The following DPYD variants were observed in gnomAD, a reference collection of about 807,000 sequenced individuals.
DPYD encodes dihydropyrimidine dehydrogenase, also known as dihydropyrimidine dehydrogenase [NADP(+)].
Under a neutral mutation model 116.2 loss-of-function variants are expected in DPYD, and 109 were observed. The observed-to-expected ratio is 0.94, with a 90% confidence interval of 0.80 to 1.10. The LOEUF is 1.10. DPYD is among the 50% of genes least tolerant of loss of function. The pLI is 0.00. For missense variants in DPYD, 1,302 were observed against 1,254.5 expected (o/e 1.04, Z -0.57); for synonymous variants, 440 against 432.0 (o/e 1.02, Z -0.23).
At chr1:97,666,054 A>G (rs1040638062) in intron 8 of DPYD, among the ~76,000 whole-genome samples, 2 of 152,208 alleles carry the variant, frequency 1.3e-5, no homozygotes, top group Non-Finnish European at 1.5e-5. Context: ...TTAAGTTATC[A>G]AAAATTGATG....
intron 3 of DPYD, among the ~76,000 whole-genome samples, chr1:97,826,033 T>TGTGC (rs57990998): frequency 1.8e-4 from 1 of 5,592 alleles, no homozygotes; most frequent in Non-Finnish European, 3.1e-4. Flanking sequence ...AATGTGTGTC[T>TGTGC]GTGTGTGTGT....
rs56940277 is a variant in DPYD, at chr1:97,599,860, CAAAAAAAAAAAAAAAAAAAAAAA to C, written c.851-4717_851-4695del. Among the ~76,000 whole-genome samples, 28 of 36,508 alleles carry C rather than the reference CAAAAAAAAAAAAAAAAAAAAAAA, an allele frequency of 7.7e-4. No individual in the cohort carries two copies. In the East Asian group the frequency reaches 0.015, roughly 19 times the overall value. 24.0% of individuals were successfully genotyped at this position (36,508 alleles called of 152,430 possible). Reference sequence around the variant, plus strand: ...CCAACATGACAAAAACCCATCTCCACAAAAAAAAAAAAAAAAAAAAAAAAAAAAAAAAAAAATTAGCCGGGCGT... The same window carrying C: ...CCAACATGACAAAAACCCATCTCCACAAAAAAAAAAAAATTAGCCGGGCGT... On this transcript the variant is annotated intron_variant, in intron 8 of 22. Transcript: ENST00000370192.
intron 19 of DPYD, among the ~76,000 whole-genome samples, chr1:97,195,441 A>C (rs185661496): frequency 6.7e-6 from 1 of 149,142 alleles, no homozygotes; most frequent in East Asian, 2.0e-4. Context: ...ATGCTACCTG[A>C]TACCTCATTG....
At chr1:97,096,474 GA>G (rs557107499) in intron 21 of DPYD, among the ~76,000 whole-genome samples, 2 of 152,280 alleles carry the variant, frequency 1.3e-5, no homozygotes, top group East Asian at 3.9e-4. Flanking sequence ...AAAGCTGGGA[GA>G]ATTCCTATTG....
intron 8 of DPYD, among the ~76,000 whole-genome samples, chr1:97,630,475 C>T (rs189311737): frequency 1.2e-3 from 176 of 152,166 alleles, no homozygotes; most frequent in African/African-American, 3.9e-3. Flanking sequence ...TTCCTCTGAG[C>T]ACTCTGCCAG....
chr1:97,420,480 T>C (rs928066829), intron 14 of DPYD, among the ~76,000 whole-genome samples: 9 of 152,074 alleles, frequency 5.9e-5, no homozygotes, highest in Non-Finnish European at 1.3e-4. Flanking sequence ...TTCCCTTCCA[T>C]CAAGTTTCTG....
intron 13 of DPYD, among the ~76,000 whole-genome samples, chr1:97,474,614 A>C (rs11811087): frequency 0.18 from 26,190 of 148,316 alleles, 2,379 homozygotes; most frequent in African/African-American, 0.21. Context: ...TTTTTCTGTC[A>C]CAGTTTAAGA....
At chr1:97,131,973 T>G (rs1394956411) in intron 20 of DPYD, among the ~76,000 whole-genome samples, 1 of 152,202 alleles carries the variant, frequency 6.6e-6, no homozygotes, top group East Asian at 1.9e-4. Flanking sequence ...GCCTACAATT[T>G]AAAATATGTC....
intron 16 of DPYD, among the ~76,000 whole-genome samples, chr1:97,351,205 AT>A (rs1670127312): frequency 6.6e-6 from 1 of 152,150 alleles, no homozygotes; most frequent in Non-Finnish European, 1.5e-5. Context: ...GTAATTAAAA[AT>A]TAGAAGTTTG....
intron 8 of DPYD, among the ~76,000 whole-genome samples, chr1:97,655,394 C>T (rs748341648): frequency 6.6e-6 from 1 of 152,150 alleles, no homozygotes; most frequent in Non-Finnish European, 1.5e-5. Context: ...TGTTAAGCCT[C>T]AAATAGAGCG....
chr1:97,266,405 A>G (rs78970785), intron 18 of DPYD, among the ~76,000 whole-genome samples: 17,249 of 152,208 alleles, frequency 0.11, 1,524 homozygotes, highest in East Asian at 0.29. Flanking sequence ...TCTAATATCA[A>G]TTAAACAAAT....
At chr1:97,283,554 C>T (rs1665465568) in intron 18 of DPYD, among the ~76,000 whole-genome samples, 1 of 151,954 alleles carries the variant, frequency 6.6e-6, no homozygotes, top group Non-Finnish European at 1.5e-5. Context: ...GAAATAACTG[C>T]CATATTCATT....
intron 3 of DPYD, among the ~76,000 whole-genome samples, chr1:97,771,386 T>G (rs528729378): frequency 6.6e-6 from 1 of 152,236 alleles, no homozygotes; most frequent in Non-Finnish European, 1.5e-5. Context: ...AAAATACTTC[T>G]GCCTTTTTAA....
intron 16 of DPYD, among the ~76,000 whole-genome samples, chr1:97,342,798 A>G (rs575954980): frequency 6.6e-6 from 1 of 152,098 alleles, no homozygotes; most frequent in Non-Finnish European, 1.5e-5. Flanking sequence ...AGGATTTTGA[A>G]TTGTTTTTAT....
At chr1:97,333,837 T>G (rs1478519154) in intron 16 of DPYD, among the ~76,000 whole-genome samples, 1 of 152,070 alleles carries the variant, frequency 6.6e-6, no homozygotes. Flanking sequence ...TAAGTACAGT[T>G]TTTGAAAGTT....
intron 8 of DPYD, among the ~76,000 whole-genome samples, chr1:97,655,985 AT>A (rs1159687425): frequency 6.6e-6 from 1 of 152,192 alleles, no homozygotes; most frequent in African/African-American, 2.4e-5. Context: ...ATCATTATTT[AT>A]TACGTAGAAA....
intron 2 of DPYD, among the ~76,000 whole-genome samples, chr1:97,874,484 G>A (rs1012491070): frequency 6.6e-6 from 1 of 151,816 alleles, no homozygotes; most frequent in Non-Finnish European, 1.5e-5. Context: ...TAAGCAAATT[G>A]ATCTCTCTAT....
At chr1:97,195,381 C>T (rs1009555661) in intron 19 of DPYD, among the ~76,000 whole-genome samples, 4 of 150,992 alleles carry the variant, frequency 2.6e-5, no homozygotes, top group African/African-American at 9.7e-5. Context: ...ACTCTTAAAG[C>T]CTTTTGGGTC....
intron 13 of DPYD, among the ~76,000 whole-genome samples, chr1:97,511,262 A>C (rs570229240): frequency 4.6e-5 from 7 of 152,162 alleles, no homozygotes; most frequent in African/African-American, 7.2e-5. Context: ...GTGAGGATTA[A>C]ATGAAATAAT....
Sources: gnomAD v4.1 joint callset for allele counts (sites outside exome capture counted in the v4.1 genomes callset) on GRCh38, gnomAD v4.1.1 for gene constraint, MANE v1.5 for transcripts, NCBI Gene and HGNC (gene_info 2026-07-23, HGNC 2026-07-21) for gene names.